Variants in CEP43 observed in about 807,000 individuals in gnomAD.
CEP43 encodes the protein centrosomal protein 43.
A neutral mutation model predicts 52.6 loss-of-function variants in CEP43; 36 were observed. The observed-to-expected ratio is 0.68, with a 90% CI of 0.52 to 0.90. The LOEUF (loss-of-function observed/expected upper bound fraction) is 0.90, where lower values mean the gene tolerates loss of function less well. CEP43 is among the 40% of genes least tolerant of loss of function. The pLI is 0.00. For synonymous variants in CEP43, 192 were observed against 172.4 expected (o/e 1.11, Z -0.89); for missense variants, 506 against 472.8 (o/e 1.07, Z -0.65).
intron 2 of CEP43, 102 bp from the exon 3 acceptor site, chr6:167,003,091 T>C: frequency 1.8e-6 from 1 of 566,782 alleles, no homozygotes; most frequent in Non-Finnish European, 3.1e-6. Context: ...GTAGAATGGA[T>C]TTTGTAAAAC....
At chr6:167,008,609 A>T (rs1314059048) in intron 5 of CEP43, among the ~76,000 whole-genome samples, 9 of 152,100 alleles carry the variant, frequency 5.9e-5, no homozygotes. Flanking sequence ...CTGGGACTAC[A>T]GGCAGCCACC....
At chr6:167,032,782 A>G in intron 11 of CEP43, 140 bp downstream of exon 11, 1 of 733,580 alleles carries the variant, frequency 1.4e-6, no homozygotes, top group Admixed American at 3.3e-5. Flanking sequence ...AGATGAAGAA[A>G]AGATAGTTAA....
Position 167,022,622 on chromosome 6 carries a change from A to G in CEP43, c.793A>G (p.Lys265Glu), listed in dbSNP as rs1472126653. 6.2e-6 allele frequency: 10 copies of G among 1,612,530 alleles called. No individual in the cohort carries two copies. The highest frequency in any genetic ancestry group is 7.6e-6 in the Non-Finnish European group (9 of 1,178,784). The change falls in exon 8 of 13, where the codon AAA becomes GAA. Residue 265 changes from lysine to glutamate, a missense_variant. Lys to Glu is a moderately conservative substitution (Grantham distance 56, BLOSUM62 1). Transcript: ENST00000366847. ...TGATGATCCCATTCCTAAGCCAGAG[A>G]AAACTTACGGTTTGTGAGTAAATGG... is the stretch of plus-strand genomic sequence containing the variant. ...FFDDPIPKPE[K>E]TYGLRKEPRK...
At chr6:167,027,821 G>T in intron 10 of CEP43, 1 of 972,516 alleles carries the variant, frequency 1.0e-6, no homozygotes. Context: ...TAGGTGCCTA[G>T]TAAATGTTAG....
chr6:167,019,699 G>A (rs1408943594), intron 7 of CEP43, among the ~76,000 whole-genome samples: 2 of 151,980 alleles, frequency 1.3e-5, no homozygotes, highest in East Asian at 1.9e-4. Context: ...GCCCTTCTCC[G>A]TAAAACTTGT....
intron 1 of CEP43, 43 bp downstream of exon 1, chr6:166,999,557 C>G (rs1479175722): frequency 7.7e-7 from 1 of 1,294,658 alleles, no homozygotes; most frequent in African/African-American, 1.6e-5. Flanking sequence ...ATCCGCAGGG[C>G]TTGCGTGGAC....
At chr6:167,035,702 G>T (rs544376230) in intron 12 of CEP43, among the ~76,000 whole-genome samples, 2 of 152,202 alleles carry the variant, frequency 1.3e-5, no homozygotes, top group South Asian at 4.1e-4. Context: ...GCGTAGCTGG[G>T]ACTACAGGCG....
chr6:167,036,058 T>C (rs1780579447), intron 12 of CEP43: 1 of 984,910 alleles, frequency 1.0e-6, no homozygotes, highest in Admixed American at 6.1e-5. Flanking sequence ...AGATATAGAC[T>C]TCTTCCCTCA....
In CEP43 at chr6:167,042,312, T is replaced by A. The variant is rs1233594726; in HGVS notation, c.*2334T>A. 13 of 995,118 alleles carry A rather than the reference T, an allele frequency of 1.3e-5. No individual in the cohort carries two copies. Among genetic ancestry groups the A allele is most frequent in the Non-Finnish European group, 1.4e-5 (12 of 831,586 alleles). 61.6% of individuals were successfully genotyped at this position (995,118 alleles called of 1,614,324 possible). A position where few individuals can be genotyped will look rare whatever the true frequency, so the allele number is the denominator to read the frequency against. ...GAAATATTAACCCATTAAATACATT[T>A]TTATGGTAACCTATGTTTTACAGTG... On this transcript the variant is annotated 3_prime_UTR_variant, in exon 13 of 13. Coordinates refer to ENST00000366847, the MANE Select transcript of CEP43 (RefSeq NM_007045.4).
At position 167,024,838 on chromosome 6, in the gene CEP43, C is replaced by T. The variant is rs144758821; in HGVS notation, c.863C>T (p.Pro288Leu). 17 of 1,612,922 alleles carry T rather than the reference C, an allele frequency of 1.1e-5. No individual in the cohort carries two copies. The highest frequency in any genetic ancestry group is 1.4e-5 in the Non-Finnish European group (17 of 1,179,274). Residue 288 changes from proline to leucine, a missense_variant, in exon 9 of 13, where the codon CCC becomes CTC. By Grantham distance (98) the Pro-to-Leu change is moderately conservative. Coordinates refer to ENST00000366847, the MANE Select transcript of CEP43 (RefSeq NM_007045.4). The part of the protein sequence containing the change: ...GSLASLSDAP[P>L]LKSGLSSLAG... Reference sequence around the variant, plus strand: ...CTGGCCTCGCTCTCGGATGCACCCCCCTTAAAAAGTGGACTCAGCTCCCTG... The same window carrying T: ...CTGGCCTCGCTCTCGGATGCACCCCTCTTAAAAAGTGGACTCAGCTCCCTG...
At chr6:167,001,207 C>T (rs1354722697) in intron 2 of CEP43, among the ~76,000 whole-genome samples, 2 of 152,200 alleles carry the variant, frequency 1.3e-5, no homozygotes, top group Admixed American at 6.5e-5. Flanking sequence ...ATCTGTACCT[C>T]TTTCCTTACT....
chr6:167,014,274 C>G (rs940966172), intron 7 of CEP43, among the ~76,000 whole-genome samples: 1 of 152,110 alleles, frequency 6.6e-6, no homozygotes, highest in South Asian at 2.1e-4. Flanking sequence ...TTTTTGTGTT[C>G]TGTCATTTTT....
intron 5 of CEP43, among the ~76,000 whole-genome samples, chr6:167,006,643 G>A (rs1779860931): frequency 6.6e-6 from 1 of 152,212 alleles, no homozygotes; most frequent in African/African-American, 2.4e-5. Context: ...TAAGTTATAT[G>A]CAAATATGTC....
At position 167,041,691 on chromosome 6, in the gene CEP43, A is replaced by G; in HGVS notation, c.*1713A>G. ...AGGATGTGGCTTTTTAAATTTATGA[A>G]ACTTTCGAACAGTAGCAACTGAAAT... On this transcript the variant is annotated 3_prime_UTR_variant, in exon 13 of 13. Coordinates refer to ENST00000366847, the MANE Select transcript of CEP43 (RefSeq NM_007045.4). The G allele has an allele frequency of 2.9e-6, 3 of 1,041,732 alleles. No individual in the cohort carries two copies. The highest frequency in any genetic ancestry group is 3.5e-6 in the Non-Finnish European group (3 of 864,412). 64.5% of individuals were successfully genotyped at this position (1,041,732 alleles called of 1,614,324 possible).
intron 7 of CEP43, among the ~76,000 whole-genome samples, chr6:167,016,636 T>C (rs1253177581): frequency 6.6e-6 from 1 of 152,194 alleles, no homozygotes; most frequent in Non-Finnish European, 1.5e-5. Context: ...GGGGCATATG[T>C]TTTTGTATCT....
intron 11 of CEP43, among the ~76,000 whole-genome samples, chr6:167,032,857 A>G (rs144728649): frequency 6.6e-6 from 1 of 152,312 alleles, no homozygotes; most frequent in East Asian, 1.9e-4. Flanking sequence ...AGACAGTCAC[A>G]TTATGTTCAG....
At chr6:167,017,081 C>T (rs1159288444) in intron 7 of CEP43, among the ~76,000 whole-genome samples, 1 of 151,416 alleles carries the variant, frequency 6.6e-6, no homozygotes, top group Admixed American at 6.6e-5. Flanking sequence ...CTGCAAGCTC[C>T]GCCTCCCGGG....
At chr6:167,028,896 C>T (rs1040838261) in intron 10 of CEP43, among the ~76,000 whole-genome samples, 1 of 152,156 alleles carries the variant, frequency 6.6e-6, no homozygotes, top group Non-Finnish European at 1.5e-5. Flanking sequence ...AGAGCACCAT[C>T]TATTTTAGTT....
intron 7 of CEP43, 150 bp from the exon 8 acceptor site, chr6:167,022,259 A>AAC (rs35327997): frequency 0.2 from 107,465 of 540,388 alleles, 4,409 homozygotes; most frequent in East Asian, 0.33. Flanking sequence ...GAGCTGCCCC[A>AAC]ACACACACAC....
Sources: gnomAD v4.1 joint callset for allele counts (sites outside exome capture counted in the v4.1 genomes callset) on GRCh38, gnomAD v4.1.1 for gene constraint, MANE v1.5 for transcripts, NCBI Gene and HGNC (gene_info 2026-07-23, HGNC 2026-07-21) for gene names.